Variants in AGAP3 observed in about 807,000 individuals in gnomAD.
The protein encoded by AGAP3 is ArfGAP with GTPase domain, ankyrin repeat and PH domain 3, also known as arf-GAP with GTPase, ANK repeat and PH domain-containing protein 3.
AGAP3 carries 24 observed loss-of-function variants against 96.9 expected under a neutral mutation model. The observed-to-expected ratio is 0.25, with a 90% CI of 0.18 to 0.35. The LOEUF is 0.35. Among genes scored for constraint, AGAP3 ranks in the 10% least tolerant of loss-of-function variants. AGAP3 has a pLI of 1.00. For missense variants in AGAP3, 876 were observed against 1,254.2 expected (o/e 0.70, Z 4.55); for synonymous variants, 563 against 536.1 (o/e 1.05, Z -0.69).
chr7:151,128,502 C>T (rs568282031), intron 9 of AGAP3, 78 bp from the exon 10 acceptor site: 128 of 1,243,946 alleles, frequency 1.0e-4, no homozygotes, highest in Non-Finnish European at 1.3e-4. Context: ...AGGGCATTGC[C>T]TGACGACATC....
At chr7:151,116,986 C>T (rs1585073468) in intron 2 of AGAP3, 109 bp from the exon 3 acceptor site, 8 of 1,463,236 alleles carry the variant, frequency 5.5e-6, no homozygotes, top group East Asian at 4.6e-5. Flanking sequence ...CTCTCTCCTC[C>T]CCTTCAGCCC....
At chr7:151,121,680 G>A (rs749536920) in intron 8 of AGAP3, among the ~76,000 whole-genome samples, 6 of 152,100 alleles carry the variant, frequency 3.9e-5, no homozygotes, top group Admixed American at 2.0e-4. Context: ...GGCTGCTCAC[G>A]GCACGGCCTT....
intron 1 of AGAP3, among the ~76,000 whole-genome samples, chr7:151,110,107 A>C (rs1404953530): frequency 6.6e-6 from 1 of 152,210 alleles, no homozygotes; most frequent in African/African-American, 2.4e-5. Context: ...GGGCCTGTGC[A>C]GATTATTTTG....
At chr7:151,098,874 C>G (rs1041412904) in intron 1 of AGAP3, among the ~76,000 whole-genome samples, 3 of 150,788 alleles carry the variant, frequency 2.0e-5, no homozygotes, top group East Asian at 4.1e-4. Context: ...GCTGGGATTA[C>G]AGGTGCATGC....
chr7:151,128,612 G>GAAC lies in AGAP3; in HGVS notation c.1257_1259dup (p.Asn419dup). On this transcript the variant is annotated inframe_insertion, in exon 10 of 18. Coordinates refer to ENST00000397238, the MANE Select transcript of AGAP3 (RefSeq NM_031946.7). ...TGCTAAAGCGGAGCGGCAAGTCCCT[G>GAAC]AACAAGGAGTGGAAGAAGAAGTATG... 1 of 1,613,806 alleles carries GAAC rather than the reference G, an allele frequency of 6.2e-7. No homozygotes were observed. The highest frequency in any genetic ancestry group is 8.5e-7 in the Non-Finnish European group (1 of 1,179,916).
In AGAP3 at chr7:151,086,708, CCGGGCCCGCCT is replaced by C. The variant is rs1265182601; in HGVS notation, c.-26_-16del. On this transcript the variant is annotated 5_prime_UTR_variant, in exon 1 of 18. Coordinates refer to ENST00000397238, the MANE Select transcript of AGAP3 (RefSeq NM_031946.7). ...CCGCCGCCGCCTCCGCCGCGCCGCC[CCGGGCCCGCCT>C]CGGGCCCCACGGCTCCGAAGCCATG... 3 of 581,866 alleles carry C rather than the reference CCGGGCCCGCCT, an allele frequency of 5.2e-6. No individual in the cohort carries two copies. Among genetic ancestry groups the C allele is most frequent in the Non-Finnish European group, 6.5e-6 (3 of 463,542 alleles). The allele number at this position is 581,866 out of a possible 1,614,324, so 36.0% of individuals were successfully genotyped here.
chr7:151,134,276 G>A lies in AGAP3; in HGVS notation c.1327-124G>A, dbSNP rs374418135. 2.1e-3 allele frequency: 2,380 copies of A among 1,110,932 alleles called. 64 individuals are homozygous for A. In the South Asian group the frequency reaches 0.033, roughly 15 times the overall value. 68.8% of individuals were successfully genotyped at this position (1,110,932 alleles called of 1,614,324 possible). ...GAGACATTCTGTGGCTTAGAATCCTGCTTTTCAAGATTGGAGCCTTCCCTC... is the reference window on the plus strand; with the variant it reads ...GAGACATTCTGTGGCTTAGAATCCTACTTTTCAAGATTGGAGCCTTCCCTC... On this transcript the variant is annotated intron_variant, in intron 10 of 17. Coordinates refer to ENST00000397238, the MANE Select transcript of AGAP3 (RefSeq NM_031946.7).
intron 1 of AGAP3, among the ~76,000 whole-genome samples, chr7:151,106,226 C>T (rs999009400): frequency 2.0e-5 from 3 of 152,010 alleles, no homozygotes; most frequent in Admixed American, 6.5e-5. Context: ...CCTCTTCAAG[C>T]GGAAGAAAGA....
chr7:151,143,557 T>G lies in AGAP3; in HGVS notation c.2490T>G (p.Ser830Arg). ...GDGRTALHLS[S>R]AMANVVFTQL... ...GGCGGACGGCTCTACATCTCTCCAG[T>G]GCCATGGCCAACGTTGTCTTCACGC... Residue 830 changes from serine to arginine, a missense_variant, in exon 17 of 18, where the codon AGT (serine) becomes AGG (arginine). By Grantham distance (110) the Ser-to-Arg change is moderately radical. Around this residue, in one of 8 missense-constraint regions of AGAP3, gnomAD observed 213 missense variants for 253.8 expected, o/e 0.84. Transcript: ENST00000397238. The surrounding 1 kb of genome is among the most constrained non-coding windows in gnomAD (Gnocchi z 5.9). 6.2e-7 allele frequency: 1 copy of G among 1,611,254 alleles called. No individual in the cohort carries two copies. Among genetic ancestry groups the G allele is most frequent in the Non-Finnish European group, 8.5e-7 (1 of 1,177,966 alleles).
At chr7:151,125,569 G>C (rs1031141330) in intron 9 of AGAP3, among the ~76,000 whole-genome samples, 2 of 152,216 alleles carry the variant, frequency 1.3e-5, no homozygotes, top group African/African-American at 4.8e-5. Flanking sequence ...GGGGGTGCCC[G>C]CTGCTTCCCG....
At position 151,143,325 on chromosome 7, in the gene AGAP3, G is replaced by C. The variant is rs1262474432; in HGVS notation, c.2274-16G>C. On this transcript the variant is annotated splice_polypyrimidine_tract_variant and intron_variant, in intron 16 of 17. Coordinates refer to ENST00000397238, the MANE Select transcript of AGAP3 (RefSeq NM_031946.7). The surrounding 1 kb of genome is among the most constrained non-coding windows in gnomAD (Gnocchi z 5.9). ...GACCTTCCTTGGCTCATGCCCTGATGGGCCTGTGGTTGCAGAGAGGAGAAG... is the reference window on the plus strand; with the variant it reads ...GACCTTCCTTGGCTCATGCCCTGATCGGCCTGTGGTTGCAGAGAGGAGAAG... The C allele has an allele frequency of 1.9e-6, 3 of 1,598,782 alleles. No individual in the cohort carries two copies. The highest frequency in any genetic ancestry group is 2.6e-6 in the Non-Finnish European group (3 of 1,170,326).
chr7:151,117,014 G>A, intron 2 of AGAP3, 81 bp from the exon 3 acceptor site: 9 of 1,512,344 alleles, frequency 6.0e-6, no homozygotes, highest in Non-Finnish European at 8.2e-6. Flanking sequence ...TCTCCCTCCT[G>A]CTGCTTCTTT....
At chr7:151,122,694 G>T in intron 8 of AGAP3, 1 of 1,613,016 alleles carries the variant, frequency 6.2e-7, no homozygotes, top group African/African-American at 1.3e-5. Context: ...AGTATAACTT[G>T]CCAAAATCTT....
chr7:151,102,069 C>T (rs1383634108), intron 1 of AGAP3, among the ~76,000 whole-genome samples: 1 of 152,140 alleles, frequency 6.6e-6, no homozygotes, highest in Non-Finnish European at 1.5e-5. Context: ...GTGTGGGTGT[C>T]CTCGAGGTGC....
At chr7:151,123,029 G>C (rs1387082912) in intron 8 of AGAP3, 9 of 1,360,186 alleles carry the variant, frequency 6.6e-6, no homozygotes, top group Admixed American at 3.5e-5. Context: ...TGGAGAAGAA[G>C]GCAGCTCGGC....
chr7:151,106,389 G>C (rs981491120), intron 1 of AGAP3, among the ~76,000 whole-genome samples: 2 of 152,134 alleles, frequency 1.3e-5, no homozygotes, highest in African/African-American at 4.8e-5. Flanking sequence ...CTGGAGGATA[G>C]TGGCACAACC....
At chr7:151,103,851 G>A (rs1463883278) in intron 1 of AGAP3, among the ~76,000 whole-genome samples, 1 of 152,198 alleles carries the variant, frequency 6.6e-6, no homozygotes, top group Non-Finnish European at 1.5e-5. Flanking sequence ...CCTGTAGAAG[G>A]CCCGAGTCCT....
In AGAP3 at chr7:151,120,912, C is replaced by T. The variant is rs114406926; in HGVS notation, c.1128+767C>T. On this transcript the variant is annotated intron_variant, in intron 8 of 17. Transcript: ENST00000397238. ...GCGACACACAGTGCCCATCCAAACC[C>T]TAATCCTCCAGCCGGGCTTGGCTGG... 1.6e-3 allele frequency: 1,662 copies of T among 1,009,724 alleles called. 26 individuals carry two copies. In the African/African-American group the frequency reaches 0.026, roughly 16 times the overall value. 62.5% of individuals were successfully genotyped at this position (1,009,724 alleles called of 1,614,324 possible).
rs113923716 is a variant in AGAP3, at chr7:151,143,698, C to T, written c.2530-39C>T. 16 of 1,613,056 alleles carry T rather than the reference C, an allele frequency of 9.9e-6. No homozygotes were observed. In the African/African-American group the frequency reaches 1.5e-4, roughly 15 times the overall value. On this transcript the variant is annotated intron_variant, in intron 17 of 17. Transcript: ENST00000397238. The surrounding 1 kb of genome is among the most constrained non-coding windows in gnomAD (Gnocchi z 5.9). ...CCCCTACAACCAATCTCTCTCCTCC[C>T]ATGTCTTGCCAACTGTCAACATGTG...
Sources: gnomAD v4.1 joint callset for allele counts (sites outside exome capture counted in the v4.1 genomes callset) on GRCh38, gnomAD v4.1.1 for gene constraint, gnomAD v4.1.1 regional missense constraint, Gnocchi (gnomAD v3.1) non-coding constraint, MANE v1.5 for transcripts, NCBI Gene and HGNC (gene_info 2026-07-23, HGNC 2026-07-21) for gene names.